Variants in TMEM94 observed in about 807,000 individuals in gnomAD.
TMEM94 encodes the protein ER Mg2+ ATPase.
In TMEM94, 81 loss-of-function variants were observed where a neutral mutation model predicts 158.6. The observed-to-expected ratio is 0.51, with a 90% CI of 0.43 to 0.61. The LOEUF (loss-of-function observed/expected upper bound fraction) is 0.61. Among genes scored for constraint, TMEM94 ranks in the 20% least tolerant of loss-of-function variants. The pLI, the probability that TMEM94 is intolerant of heterozygous loss-of-function variation, is 0.00. For synonymous variants in TMEM94, 751 were observed against 730.7 expected, an observed-to-expected ratio of 1.03 and a Z score of -0.45; for missense variants, 1,435 against 1,762.0, an observed-to-expected ratio of 0.81 and a Z score of 3.32.
chr17:75,466,019 T>C (rs1281207658), intron 1 of TMEM94, among the ~76,000 whole-genome samples: 5 of 152,038 alleles, frequency 3.3e-5, no homozygotes, highest in Non-Finnish European at 1.5e-5. Flanking sequence ...CCTAGGCTCA[T>C]GTGATTCCCC....
At chr17:75,480,412 G>A (rs1453284763) in intron 2 of TMEM94, among the ~76,000 whole-genome samples, 2 of 152,366 alleles carry the variant, frequency 1.3e-5, no homozygotes, top group East Asian at 3.9e-4. Context: ...AGCTCTGCAG[G>A]CGCCCTGCCT....
rs368242360 is a variant in TMEM94 at position 75,490,853 on chromosome 17, TC to T, written c.1128+96del. On this transcript the variant is annotated intron_variant, in intron 11 of 31. Coordinates refer to ENST00000314256, the MANE Select transcript of TMEM94 (RefSeq NM_014738.6). ...ATGGCCTTAAAGCCTCCAACCAGGC[TC>T]TTAGAGCCCCATGTCCACCCGTTAC... 4.8e-4 allele frequency: 579 copies of T among 1,208,850 alleles called. 1 individual carries two copies. The African/African-American group carries it at 7.0e-3, about 15-fold the overall frequency. The allele number at this position is 1,208,850 out of a possible 1,614,324, so 74.9% of individuals were successfully genotyped here. A position where few individuals can be genotyped will look rare whatever the true frequency, so the allele number is the denominator to read the frequency against.
Position 75,499,008 on chromosome 17 carries a change from G to C in TMEM94, c.3924G>C (p.Leu1308=). The part of the protein sequence containing the change: ...VHFGLEDVPL[L]TWLLGCLSLV... ...TTGGCCTGGAGGACGTGCCCCTGCT[G>C]ACATGGCTCCTGGGCTGCCTGTCCC... The change falls in exon 31 of 32, where the codon CTG becomes CTC. Residue 1308 remains leucine, a synonymous_variant. Transcript: ENST00000314256. The C allele has an allele frequency of 6.2e-7, 1 of 1,604,096 alleles. No homozygotes were observed. Among genetic ancestry groups the C allele is most frequent in the South Asian group, 1.1e-5 (1 of 90,880 alleles).
chr17:75,462,698 T>C (rs1277570072), intron 1 of TMEM94, among the ~76,000 whole-genome samples: 2 of 150,188 alleles, frequency 1.3e-5, no homozygotes, highest in African/African-American at 4.9e-5. Flanking sequence ...ATTAAAAATA[T>C]ACAGTTCTAG....
At chr17:75,476,691 T>C in intron 2 of TMEM94, 4 of 1,535,720 alleles carry the variant, frequency 2.6e-6, no homozygotes, top group Non-Finnish European at 3.5e-6. Flanking sequence ...CTCTGGCCCA[T>C]GCTCTTTAAG....
Position 75,498,427 on chromosome 17 carries a change from A to G in TMEM94, c.3639-17A>G, listed in dbSNP as rs370160983. 4.6e-5 allele frequency: 73 copies of G among 1,594,182 alleles called. No individual in the cohort carries two copies. Among genetic ancestry groups the G allele is most frequent in the Non-Finnish European group, 6.3e-5 (73 of 1,167,988 alleles). The stretch of plus-strand genomic sequence containing the variant: ...CTGCGGCCCTAGAGGGGCTGAGCCC[A>G]TGCCTCACTTTGGCAGCAACGACGA... On this transcript the variant is annotated splice_polypyrimidine_tract_variant and intron_variant, in intron 28 of 31. Coordinates refer to ENST00000314256, the MANE Select transcript of TMEM94 (RefSeq NM_014738.6). The surrounding 1 kb of genome is among the most constrained non-coding windows in gnomAD (Gnocchi z 6.7).
At position 75,489,707 on chromosome 17, in the gene TMEM94, C is replaced by A; in HGVS notation, c.954+45C>A. ...CTCTGTCATGCTTCCCTCCGACCCG[C>A]AGGGCTGGCTCTTCTCCTAGTACCC... On this transcript the variant is annotated intron_variant, in intron 9 of 31. Transcript: ENST00000314256. The surrounding 1 kb of genome is among the most constrained non-coding windows in gnomAD (Gnocchi z 5.0). The A allele has an allele frequency of 6.7e-7, 1 of 1,500,556 alleles. No individual in the cohort carries two copies. The highest frequency in any genetic ancestry group is 9.3e-7 in the Non-Finnish European group (1 of 1,078,448). The allele number at this position is 1,500,556 out of a possible 1,614,324, so 93.0% of individuals were successfully genotyped here.
At chr17:75,480,924 T>A (rs1004718632) in intron 2 of TMEM94, among the ~76,000 whole-genome samples, 4 of 152,210 alleles carry the variant, frequency 2.6e-5, no homozygotes, top group Non-Finnish European at 4.4e-5. Flanking sequence ...AACACTCACA[T>A]TCCTCTCTGT....
intron 11 of TMEM94, 32 bp downstream of exon 11, chr17:75,490,790 C>G (rs749304716): frequency 6.3e-7 from 1 of 1,597,018 alleles, no homozygotes; most frequent in Non-Finnish European, 8.6e-7. Context: ...GCTTCTCTCG[C>G]AGGTCCCTAG....
Position 75,492,069 on chromosome 17 carries a change from G to A in TMEM94, c.1596+169G>A, listed in dbSNP as rs756289598. The A allele has an allele frequency of 5.9e-5, 47 of 790,516 alleles. No homozygotes were observed. Among genetic ancestry groups the A allele is most frequent in the African/African-American group, 1.1e-4 (6 of 57,068 alleles). 49.0% of individuals were successfully genotyped at this position (790,516 alleles called of 1,614,324 possible). A position where few individuals can be genotyped will look rare whatever the true frequency, so the allele number is the denominator to read the frequency against. On this transcript the variant is annotated intron_variant, in intron 14 of 31. Transcript: ENST00000314256. The surrounding 1 kb of genome is among the most constrained non-coding windows in gnomAD (Gnocchi z 4.4). ...CTGAGGCCCTCCCCAAGTCTGCTGC[G>A]AAGTAGGTGGAGCCTCCCCCTACCC... is the stretch of plus-strand genomic sequence containing the variant.
In TMEM94 at chr17:75,487,037, A is replaced by G. The variant is rs2146595202; in HGVS notation, c.409+611A>G. On this transcript the variant is annotated intron_variant, in intron 5 of 31. Transcript: ENST00000314256. The surrounding 1 kb of genome is among the most constrained non-coding windows in gnomAD (Gnocchi z 4.6). The stretch of plus-strand genomic sequence containing the variant: ...CACCCACTCATGAGACCTTTCTCCA[A>G]CAGACCTGGGCAGTGGACGTTTAGA... Among the ~76,000 whole-genome samples, 1 of 152,268 alleles carries G rather than the reference A, an allele frequency of 6.6e-6. No homozygotes were observed. Among genetic ancestry groups the G allele is most frequent in the South Asian group, 2.1e-4 (1 of 4,832 alleles).
chr17:75,494,058 A>G, intron 18 of TMEM94, 142 bp downstream of exon 18: 2 of 754,442 alleles, frequency 2.7e-6, no homozygotes, highest in East Asian at 5.4e-5. Context: ...CTGGGACGCC[A>G]GTGTGGCACT....
In TMEM94 at chr17:75,498,586, C is replaced by T; in HGVS notation, c.3734-43C>T. The T allele has an allele frequency of 1.2e-6, 2 of 1,613,110 alleles. No homozygotes were observed. Among genetic ancestry groups the T allele is most frequent in the Non-Finnish European group, 1.7e-6 (2 of 1,179,618 alleles). ...CGTGGATGATGGTGGGAGAGGAGCC[C>T]CACTGTGGAAGTCTGACCCCCACAT... On this transcript the variant is annotated intron_variant, in intron 29 of 31. Transcript: ENST00000314256. The surrounding 1 kb of genome is among the most constrained non-coding windows in gnomAD (Gnocchi z 6.7).
chr17:75,459,467 C>G (rs540320652), intron 1 of TMEM94, among the ~76,000 whole-genome samples: 3 of 152,188 alleles, frequency 2.0e-5, no homozygotes, highest in Non-Finnish European at 4.4e-5. Flanking sequence ...TGTGCCAGCT[C>G]CTAGTGCTGA....
chr17:75,496,067 G>A lies in TMEM94; in HGVS notation c.3046G>A (p.Asp1016Asn), dbSNP rs763823569. ...GAACAGCTGCCTCTTCCTCCAGAGC[G>A]ACATCAGGTCAGGGCGGGACCCTGG... ...LRNSCLFLQS[D>N]ISIALDPLYP... is the part of the protein sequence containing the mutation. The change falls in exon 23 of 32, where the codon GAC (aspartate) becomes AAC (asparagine). Residue 1016 changes from aspartate (D) to asparagine (N), a missense_variant. Transcript: ENST00000314256. The A allele has an allele frequency of 3.4e-5, 54 of 1,610,176 alleles. No individual in the cohort carries two copies. The highest frequency in any genetic ancestry group is 2.2e-4 in the Admixed American group (13 of 59,686).
rs1458243790 is a variant in TMEM94 at position 75,499,065 on chromosome 17, G to A, written c.3981G>A (p.Val1327=). ...TTGTGGTGGTGACCAATGAGATCGT[G>A]AAGCTACATGAGATTCGGTGAGCTG... ...LVLVVVTNEI[V]KLHEIRVRVR... Residue 1327 remains valine (V), a synonymous_variant, in exon 31 of 32, where the codon GTG becomes GTA. Transcript: ENST00000314256. 1.9e-6 allele frequency: 3 copies of A among 1,588,834 alleles called. No individual in the cohort carries two copies. The highest frequency in any genetic ancestry group is 2.6e-6 in the Non-Finnish European group (3 of 1,167,380).
chr17:75,497,021 A>C, intron 25 of TMEM94, 92 bp from the exon 26 acceptor site: 2 of 1,178,044 alleles, frequency 1.7e-6, no homozygotes, highest in Non-Finnish European at 2.5e-6. Flanking sequence ...GTGAGCATCT[A>C]TCTGGGCCCA....
chr17:75,485,474 G>A lies in TMEM94; in HGVS notation c.71G>A (p.Ser24Asn), dbSNP rs934327796. The change falls in exon 3 of 32, where the codon AGC becomes AAC. Residue 24 changes from serine to asparagine, a missense_variant. Transcript: ENST00000314256. This position sits in a 1 kb window ranked among gnomAD's most constrained non-coding sequence, Gnocchi z 5.5. ...GGCCTGTCCACGCGGAAGGCCCTCA[G>A]CGTCCTGAAGGAGCAGCTGGAGGCA... ...ALGLSTRKAL[S>N]VLKEQLEAVL... 1.9e-6 allele frequency: 3 copies of A among 1,614,068 alleles called. No homozygotes were observed. The highest frequency in any genetic ancestry group is 3.3e-5 in the Admixed American group (2 of 60,006).
intron 1 of TMEM94, among the ~76,000 whole-genome samples, chr17:75,465,429 A>AT (rs1555621224): frequency 4.0e-5 from 6 of 150,302 alleles, no homozygotes; most frequent in Non-Finnish European, 7.4e-5. Context: ...CTGCCTGTTT[A>AT]TTATTTATTT....
Sources: allele counts gnomAD v4.1 joint callset (sites outside exome capture counted in the v4.1 genomes callset), GRCh38; gene constraint gnomAD v4.1.1; non-coding constraint Gnocchi (gnomAD v3.1); transcripts MANE v1.5; gene names NCBI Gene and HGNC (gene_info 2026-07-23, HGNC 2026-07-21).